The following RNF150 variants were observed in gnomAD, a reference collection of about 807,000 sequenced individuals.
RNF150 encodes ring finger protein 150.
A neutral mutation model predicts 39.3 loss-of-function variants in RNF150; 24 were observed. The ratio of observed to expected loss-of-function variants is 0.61; its 90% CI spans 0.44 to 0.86. The LOEUF (loss-of-function observed/expected upper bound fraction) is 0.86. Among genes scored for constraint, RNF150 ranks in the 40% least tolerant of loss-of-function variants. The pLI is 0.00. For synonymous variants in RNF150, 255 were observed against 227.3 expected, an observed-to-expected ratio of 1.12 and a Z score of -1.10; for missense variants, 502 against 587.8, an observed-to-expected ratio of 0.85 and a Z score of 1.51.
chr4:141,035,838 C>A (rs1049690043), intron 1 of RNF150, among the ~76,000 whole-genome samples: 8 of 152,126 alleles, frequency 5.3e-5, no homozygotes, highest in Admixed American at 5.2e-4. Flanking sequence ...ATATTGGTTA[C>A]TATGTAAAAC....
At chr4:141,100,096 T>C (rs1016456260) in intron 1 of RNF150, among the ~76,000 whole-genome samples, 1 of 152,210 alleles carries the variant, frequency 6.6e-6, no homozygotes, top group African/African-American at 2.4e-5. Flanking sequence ...TCTACTTTTA[T>C]AGGACTAGGT....
intron 1 of RNF150, among the ~76,000 whole-genome samples, chr4:141,088,962 A>G (rs564098710): frequency 6.6e-6 from 1 of 152,240 alleles, no homozygotes; most frequent in East Asian, 1.9e-4. Flanking sequence ...AGCTTCTAGT[A>G]TTTTACATAA....
intron 2 of RNF150, among the ~76,000 whole-genome samples, chr4:140,956,608 T>C (rs923390582): frequency 2.0e-5 from 3 of 151,998 alleles, no homozygotes; most frequent in Non-Finnish European, 4.4e-5. Context: ...ATTGAACACA[T>C]TTGGGGGAAA....
At chr4:141,152,396 C>A (rs980042830) in intron 1 of RNF150, among the ~76,000 whole-genome samples, 4 of 152,088 alleles carry the variant, frequency 2.6e-5, no homozygotes, top group Admixed American at 6.6e-5. Context: ...AATATTCCAT[C>A]CTTTTGATAA....
At chr4:140,935,042 T>A (rs1474244220) in intron 4 of RNF150, among the ~76,000 whole-genome samples, 35 of 4,238 alleles carry the variant, frequency 8.3e-3, no homozygotes, top group South Asian at 0.024. Context: ...AATATATATA[T>A]ATAAATATAT....
chr4:140,967,063 T>C (rs1192969346), intron 2 of RNF150, among the ~76,000 whole-genome samples: 5 of 152,128 alleles, frequency 3.3e-5, no homozygotes, highest in African/African-American at 1.2e-4. Context: ...TGTGCTATCA[T>C]TTGTTGTTGT....
chr4:140,949,401 A>T, intron 2 of RNF150, 29 bp from the exon 3 acceptor site: 1 of 1,595,726 alleles, frequency 6.3e-7, no homozygotes, highest in Non-Finnish European at 8.6e-7. Context: ...CTTGTTAATA[A>T]TAAAGATCTG....
intron 5 of RNF150, among the ~76,000 whole-genome samples, chr4:140,922,793 C>G (rs980332707): frequency 1.3e-5 from 2 of 151,468 alleles, no homozygotes; most frequent in Admixed American, 6.6e-5. Flanking sequence ...TGGAACAGAA[C>G]AGAGCCCTCA....
chr4:141,057,946 CT>C (rs569778001), intron 1 of RNF150, among the ~76,000 whole-genome samples: 97 of 152,268 alleles, frequency 6.4e-4, no homozygotes, highest in African/African-American at 2.0e-3. Flanking sequence ...ACTGCTTACT[CT>C]TTAATAAAAT....
rs1728779010 is a variant in RNF150, at chr4:140,868,001, T to C, written c.*260A>G. On this transcript the variant is annotated 3_prime_UTR_variant, in exon 7 of 7. Transcript: ENST00000515673. ...GTCTCTGTTTTAGGAGCTTCTGAAG[T>C]GTATGTCTACATGGACATAGGAGTG... The C allele has an allele frequency of 2.7e-6, 1 of 371,070 alleles. No individual in the cohort carries two copies. The highest frequency in any genetic ancestry group is 4.8e-6 in the Non-Finnish European group (1 of 207,926). 23.0% of individuals were successfully genotyped at this position (371,070 alleles called of 1,614,324 possible). A position where few individuals can be genotyped will look rare whatever the true frequency, so the allele number is the denominator to read the frequency against.
intron 1 of RNF150, among the ~76,000 whole-genome samples, chr4:141,008,182 G>A (rs1170918190): frequency 2.0e-5 from 3 of 152,172 alleles, no homozygotes; most frequent in Admixed American, 1.3e-4. Flanking sequence ...AAGTTTCAAT[G>A]TATACTTGAA....
At chr4:141,193,766 CAG>C (rs1389194196) in intron 1 of RNF150, among the ~76,000 whole-genome samples, 1 of 152,168 alleles carries the variant, frequency 6.6e-6, no homozygotes, top group Non-Finnish European at 1.5e-5. Flanking sequence ...CAGAAGGACA[CAG>C]AGATGCTTAG....
chr4:140,951,165 A>C (rs1262207388), intron 2 of RNF150, among the ~76,000 whole-genome samples: 1 of 152,066 alleles, frequency 6.6e-6, no homozygotes, highest in Non-Finnish European at 1.5e-5. Flanking sequence ...CCCTGATAGC[A>C]CTTTGTACCT....
At chr4:140,899,966 CTCTCTCTCTGTGTGTGTGTG>C (rs1730122902) in intron 6 of RNF150, among the ~76,000 whole-genome samples, 1 of 117,212 alleles carries the variant, frequency 8.5e-6, no homozygotes, top group Non-Finnish European at 1.8e-5. Context: ...CTCTCTCTCT[CTCTCTCTCTGTGTGTGTGTG>C]TGTGTGTGTG....
intron 1 of RNF150, among the ~76,000 whole-genome samples, chr4:141,056,836 C>T (rs1736992689): frequency 6.6e-6 from 1 of 152,062 alleles, no homozygotes; most frequent in South Asian, 2.1e-4. Flanking sequence ...TCCCTTACTC[C>T]TCATTCTTGT....
At chr4:141,049,714 T>TA (rs1736707382) in intron 1 of RNF150, among the ~76,000 whole-genome samples, 1 of 152,124 alleles carries the variant, frequency 6.6e-6, no homozygotes, top group South Asian at 2.1e-4. Flanking sequence ...TAGAAAACAG[T>TA]ATGTTCAGTG....
chr4:141,058,228 T>C (rs1423392249), intron 1 of RNF150, among the ~76,000 whole-genome samples: 1 of 151,278 alleles, frequency 6.6e-6, no homozygotes, highest in Non-Finnish European at 1.5e-5. Flanking sequence ...TATATACACA[T>C]TATAAATATT....
intron 1 of RNF150, among the ~76,000 whole-genome samples, chr4:141,157,334 G>T (rs1028483590): frequency 3.3e-5 from 5 of 152,080 alleles, no homozygotes; most frequent in African/African-American, 1.2e-4. Flanking sequence ...AGATCCCTTT[G>T]GCCTGGGTTT....
intron 1 of RNF150, among the ~76,000 whole-genome samples, chr4:140,987,121 T>A (rs1158609940): frequency 1.3e-5 from 2 of 151,770 alleles, no homozygotes; most frequent in African/African-American, 4.8e-5. Context: ...AAATCAGAGA[T>A]GACACAAATA....
Sources: gnomAD v4.1 joint callset for allele counts (sites outside exome capture counted in the v4.1 genomes callset) on GRCh38, gnomAD v4.1.1 for gene constraint, MANE v1.5 for transcripts, NCBI Gene and HGNC (gene_info 2026-07-23, HGNC 2026-07-21) for gene names.